COPG2: variants seen among roughly 807,000 people sequenced by gnomAD.
COPG2 encodes coat protein complex I subunit gamma 2.
A neutral mutation model predicts 46.3 loss-of-function variants in COPG2; 37 were observed. The observed-to-expected ratio is 0.80, with a 90% CI of 0.61 to 1.05. COPG2 has a LOEUF of 1.05. Among genes scored for constraint, COPG2 ranks in the 50% least tolerant of loss-of-function variants. COPG2 has a pLI of 0.00. For synonymous variants in COPG2, 159 were observed against 129.7 expected, an observed-to-expected ratio of 1.23 and a Z score of -1.53; for missense variants, 427 against 387.8, an observed-to-expected ratio of 1.10 and a Z score of -0.85.
intron 19 of COPG2, 117 bp from the exon 20 acceptor site, chr7:130,547,962 TCTC>T: frequency 2.5e-6 from 1 of 397,556 alleles, no homozygotes; most frequent in Non-Finnish European, 4.4e-6. Context: ...GCAGGGTAGG[TCTC>T]CTCCTAAGAT....
intron 9 of COPG2, among the ~76,000 whole-genome samples, chr7:130,573,510 T>A (rs1347403717): frequency 6.6e-6 from 1 of 151,984 alleles, no homozygotes; most frequent in African/African-American, 2.4e-5. Context: ...GTGGCATTAA[T>A]CACAGGAACG....
intron 12 of COPG2, among the ~76,000 whole-genome samples, chr7:130,558,003 C>A (rs1025619085): frequency 3.3e-5 from 5 of 151,424 alleles, no homozygotes; most frequent in Admixed American, 6.6e-5. Context: ...CAAGTACATA[C>A]GCAACTTTTT....
chr7:130,657,733 A>G (rs1795884938), intron 4 of COPG2, among the ~76,000 whole-genome samples: 1 of 152,228 alleles, frequency 6.6e-6, no homozygotes, highest in Non-Finnish European at 1.5e-5. Flanking sequence ...AGATATTAAC[A>G]AATCCTTCAC....
chr7:130,558,586 T>TCA (rs1793667762), intron 12 of COPG2, among the ~76,000 whole-genome samples: 1 of 152,174 alleles, frequency 6.6e-6, no homozygotes, highest in Admixed American at 6.5e-5. Flanking sequence ...TGCAATATGA[T>TCA]CACAGCTCAC....
intron 4 of COPG2, among the ~76,000 whole-genome samples, chr7:130,653,654 G>A (rs1330377740): frequency 6.6e-6 from 1 of 152,122 alleles, no homozygotes; most frequent in Non-Finnish European, 1.5e-5. Flanking sequence ...GGATAAATGG[G>A]CAGCAGCCAG....
At chr7:130,510,042 T>C in intron 20 of COPG2, 1 of 516,564 alleles carries the variant, frequency 1.9e-6, no homozygotes, top group East Asian at 5.5e-5. Flanking sequence ...TGTTTAGGAA[T>C]AAATTGTAAA....
intron 4 of COPG2, among the ~76,000 whole-genome samples, chr7:130,659,788 C>T (rs1325404365): frequency 6.6e-6 from 1 of 151,648 alleles, no homozygotes; most frequent in East Asian, 2.0e-4. Context: ...GGCACGTGCC[C>T]ACAGTCCCAG....
At chr7:130,590,257 CCCACGGTCTCCCTCTCCCTCTCTTT>C (rs2116458400) in intron 9 of COPG2, among the ~76,000 whole-genome samples, 2 of 151,674 alleles carry the variant, frequency 1.3e-5, no homozygotes, top group Non-Finnish European at 2.9e-5. Context: ...TCTCCCTCTC[CCCACGGTCTCCCTCTCCCTCTCTTT>C]CCACGGTCTC....
intron 12 of COPG2, among the ~76,000 whole-genome samples, chr7:130,557,814 T>C (rs1462804671): frequency 0.015 from 1 of 66 alleles, no homozygotes; most frequent in East Asian, 0.1. Context: ...TGAAACTCCA[T>C]CTCAAAAAAA....
chr7:130,619,327 C>A (rs1467410064), intron 5 of COPG2, among the ~76,000 whole-genome samples: 1 of 152,110 alleles, frequency 6.6e-6, no homozygotes, highest in East Asian at 1.9e-4. Flanking sequence ...TCTTATTGGA[C>A]AATACAGATG....
Position 130,612,260 on chromosome 7 carries a change from T to A in COPG2, c.493-22A>T, listed in dbSNP as rs782592168. On this transcript the variant is annotated intron_variant, in intron 7 of 23. Coordinates refer to ENST00000425248, the MANE Select transcript of COPG2 (RefSeq NM_012133.6). ...TGTGCTAAATACAGAAAAAAAAAAA[T>A]GAGAATAAATAATGCTTGGTCACTA... The A allele has an allele frequency of 2.6e-5, 30 of 1,172,500 alleles. No individual in the cohort carries two copies. In the African/African-American group the frequency reaches 4.1e-4, roughly 16 times the overall value. 72.6% of individuals were successfully genotyped at this position (1,172,500 alleles called of 1,614,324 possible). A position where few individuals can be genotyped will look rare whatever the true frequency, so the allele number is the denominator to read the frequency against.
intron 20 of COPG2, among the ~76,000 whole-genome samples, chr7:130,537,544 A>AGGAGCTG (rs1337759931): frequency 9.3e-5 from 14 of 150,888 alleles, no homozygotes; most frequent in African/African-American, 1.7e-4. Flanking sequence ...ACCTGGGCCC[A>AGGAGCTG]GGAGCTGGGA....
intron 16 of COPG2, 52 bp downstream of exon 16, chr7:130,551,189 T>C (rs1793530839): frequency 2.5e-6 from 1 of 398,028 alleles, no homozygotes; most frequent in African/African-American, 2.1e-5. Flanking sequence ...TAAAATATGC[T>C]TCCAAGACAC....
intron 20 of COPG2, among the ~76,000 whole-genome samples, chr7:130,526,743 A>G (rs1487537884): frequency 7.3e-5 from 11 of 150,616 alleles, no homozygotes; most frequent in South Asian, 2.1e-4. Flanking sequence ...GGAAGGAATG[A>G]CTGCTCTTAA....
intron 9 of COPG2, chr7:130,610,728 C>A: frequency 1.6e-6 from 1 of 644,004 alleles, no homozygotes; most frequent in Non-Finnish European, 2.8e-6. Context: ...TGTTCAATAT[C>A]AGTTTGTTAA....
In COPG2 at chr7:130,647,931, C is replaced by T. The variant is rs541999562; in HGVS notation, c.323+4938G>A. On this transcript the variant is annotated intron_variant, in intron 5 of 23. Transcript: ENST00000425248. ...ATTTTTAGTAGAGACAGGGTTTCAC[C>T]GTGTTAGCCAGGACGGTCTCGATCT... 8.6e-4 allele frequency among the ~76,000 whole-genome samples: 131 copies of T among 152,036 alleles called. 1 individual carries two copies. The highest frequency in any genetic ancestry group is 1.6e-3 in the Non-Finnish European group (108 of 67,982).
intron 20 of COPG2, among the ~76,000 whole-genome samples, chr7:130,532,323 A>T (rs993036503): frequency 1.3e-5 from 2 of 152,216 alleles, no homozygotes; most frequent in Admixed American, 6.5e-5. Context: ...GTCCAGTGAC[A>T]CAGAGGATGT....
At chr7:130,587,924 A>G (rs1794307123) in intron 9 of COPG2, among the ~76,000 whole-genome samples, 1 of 152,202 alleles carries the variant, frequency 6.6e-6, no homozygotes, top group African/African-American at 2.4e-5. Flanking sequence ...CAGAATCTAC[A>G]ATGAACTCAA....
intron 5 of COPG2, among the ~76,000 whole-genome samples, chr7:130,636,212 A>G (rs1461841650): frequency 2.0e-5 from 3 of 152,164 alleles, no homozygotes; most frequent in Non-Finnish European, 2.9e-5. Context: ...GTAGATTTCT[A>G]TTAGGTCCGC....
Sources: allele counts gnomAD v4.1 joint callset (sites outside exome capture counted in the v4.1 genomes callset), GRCh38; gene constraint gnomAD v4.1.1; transcripts MANE v1.5; gene names NCBI Gene and HGNC (gene_info 2026-07-23, HGNC 2026-07-21).